Variants in BBOF1 observed in about 807,000 individuals in gnomAD.
BBOF1 encodes basal body orientation factor 1.
BBOF1 carries 62 observed loss-of-function variants against 68.0 expected under a neutral mutation model. The ratio of observed to expected loss-of-function variants is 0.91; its 90% confidence interval spans 0.74 to 1.13. The LOEUF (loss-of-function observed/expected upper bound fraction) is 1.13. Ranked by LOEUF, BBOF1 falls within the 50% of genes most tolerant of loss-of-function variation. The pLI, the probability that BBOF1 is intolerant of heterozygous loss-of-function variation, is 0.00. For synonymous variants in BBOF1, 208 were observed against 198.8 expected (o/e 1.05, Z -0.39); for missense variants, 534 against 600.1 (o/e 0.89, Z 1.15).
At chr14:74,056,122 C>T (rs1354383204) in intron 9 of BBOF1, among the ~76,000 whole-genome samples, 2 of 151,634 alleles carry the variant, frequency 1.3e-5, no homozygotes, top group African/African-American at 4.8e-5. Context: ...ACCTCCACTT[C>T]CCAGGTGCAA....
Position 74,046,148 on chromosome 14 carries a change from A to G in BBOF1, c.647+18A>G, listed in dbSNP as rs1256692925. 1 of 1,582,154 alleles carries G rather than the reference A, an allele frequency of 6.3e-7. No individual in the cohort carries two copies. Among genetic ancestry groups the G allele is most frequent in the East Asian group, 2.3e-5 (1 of 44,334 alleles). On this transcript the variant is annotated intron_variant, in intron 6 of 11. Coordinates refer to ENST00000394009, the MANE Select transcript of BBOF1 (RefSeq NM_025057.3). ...GCTATTGTGTAAGAGACTGCTGCCT[A>G]CTTTCTGACTCTGATTACCTCTCTT...
At chr14:74,029,528 A>T (rs2140978066) in intron 3 of BBOF1, among the ~76,000 whole-genome samples, 1 of 152,208 alleles carries the variant, frequency 6.6e-6, no homozygotes, top group East Asian at 1.9e-4. Flanking sequence ...CTAAAAATTT[A>T]AAAATTAGCC....
chr14:74,060,671 C>T, intron 11 of BBOF1: 1 of 1,613,444 alleles, frequency 6.2e-7, no homozygotes, highest in East Asian at 2.2e-5. Context: ...ATGACAACAG[C>T]AGGTGAGGAA....
At chr14:74,069,976 T>C (rs1252942246), downstream of BBOF1, among the ~76,000 whole-genome samples, 1 of 150,694 alleles carries the variant, frequency 6.6e-6, no homozygotes, top group African/African-American at 2.4e-5. Flanking sequence ...CTCATGGGAC[T>C]ACCTGCACAT....
chr14:74,024,893 G>T lies in BBOF1; in HGVS notation c.285+1749G>T, dbSNP rs991967983. ...GCTGACATTACAGGCATGAGCAATA[G>T]CACCTGGTCCAGAAATTTCTATCTT... On this transcript the variant is annotated intron_variant, in intron 2 of 11. Transcript: ENST00000394009. 8.6e-5 allele frequency among the ~76,000 whole-genome samples: 13 copies of T among 152,000 alleles called. No homozygotes were observed. The East Asian group carries it at 2.5e-3, about 29-fold the overall frequency.
chr14:74,060,822 G>A (rs2060323289), intron 11 of BBOF1: 2 of 1,102,684 alleles, frequency 1.8e-6, no homozygotes, highest in Admixed American at 3.5e-5. Flanking sequence ...TTTTGAAGGA[G>A]GTATTATAAA....
At chr14:74,039,601 T>G (rs2059787299) in intron 4 of BBOF1, among the ~76,000 whole-genome samples, 1 of 151,478 alleles carries the variant, frequency 6.6e-6, no homozygotes, top group African/African-American at 2.4e-5. Context: ...GCTAATTTTT[T>G]TTTTTTTTGT....
downstream of BBOF1, chr14:74,068,784 T>C: frequency 6.5e-7 from 1 of 1,542,540 alleles, no homozygotes; most frequent in Non-Finnish European, 8.9e-7. Flanking sequence ...ATGAGTGGCC[T>C]CTCTGCTGAA....
In BBOF1 at chr14:74,065,314, A is replaced by C; in HGVS notation, c.*615A>C. On this transcript the variant is annotated 3_prime_UTR_variant, in exon 12 of 12. Transcript: ENST00000394009. The stretch of plus-strand genomic sequence containing the variant: ...ATCCAATGTTTCTGTCTCCAGAACC[A>C]CAAGAACTGGACCAAAAATCTCCTC... 6.2e-7 allele frequency: 1 copy of C among 1,614,176 alleles called. No homozygotes were observed. The highest frequency in any genetic ancestry group is 8.5e-7 in the Non-Finnish European group (1 of 1,180,022).
intron 3 of BBOF1, 35 bp downstream of exon 3, chr14:74,029,284 T>C (rs771313079): frequency 7.3e-7 from 1 of 1,372,564 alleles, no homozygotes; most frequent in East Asian, 2.5e-5. Context: ...CTCCACTTAC[T>C]GGATGGTCAG....
chr14:74,030,534 C>T (rs1222811172), intron 3 of BBOF1, among the ~76,000 whole-genome samples: 2 of 151,512 alleles, frequency 1.3e-5, no homozygotes, highest in Admixed American at 1.3e-4. Flanking sequence ...CTCGCTCTGT[C>T]GCCCAGGCTG....
intron 2 of BBOF1, among the ~76,000 whole-genome samples, chr14:74,028,836 G>A (rs1420216121): frequency 6.6e-6 from 1 of 151,902 alleles, no homozygotes; most frequent in East Asian, 1.9e-4. Flanking sequence ...AGCCTCCTGA[G>A]TAGCTGGGAT....
chr14:74,062,280 A>G (rs2060363521), intron 11 of BBOF1, among the ~76,000 whole-genome samples: 1 of 152,054 alleles, frequency 6.6e-6, no homozygotes, highest in Admixed American at 6.6e-5. Flanking sequence ...AAGAAATGTT[A>G]CTAGTATCAA....
intron 9 of BBOF1, chr14:74,072,134 G>C: frequency 6.2e-7 from 1 of 1,610,246 alleles, no homozygotes; most frequent in Non-Finnish European, 8.5e-7. Flanking sequence ...TGGCTGAAAA[G>C]GTCTCTGTGA....
Position 74,050,000 on chromosome 14 carries a change from T to C in BBOF1, c.1091T>C (p.Leu364Ser). The part of the protein sequence containing the change: ...DERTEVERFF[L>S]DALHQVKQQI... ...AGAACAGAAGTGGAAAGATTCTTTT[T>C]AGATGCTCTGCACCAAGTGAAGCAA... The change falls in exon 8 of 12, where the codon TTA (leucine) becomes TCA (serine). Residue 364 changes from leucine to serine, a missense_variant. Coordinates refer to ENST00000394009, the MANE Select transcript of BBOF1 (RefSeq NM_025057.3). 1 of 1,614,130 alleles carries C rather than the reference T, an allele frequency of 6.2e-7. No homozygotes were observed.
At position 74,034,333 on chromosome 14, in the gene BBOF1, G is replaced by T. The variant is rs759201758; in HGVS notation, c.495+162G>T. 5.3e-5 allele frequency among the ~76,000 whole-genome samples: 8 copies of T among 152,258 alleles called. No homozygotes were observed. The South Asian group carries it at 8.3e-4, about 16-fold the overall frequency. ...GGAGAAGACAGACTGGATGCCAAAGGTCTTGACTTTAGACTTCTCTTTTTC... is the reference window on the plus strand; with the variant it reads ...GGAGAAGACAGACTGGATGCCAAAGTTCTTGACTTTAGACTTCTCTTTTTC... On this transcript the variant is annotated intron_variant, in intron 4 of 11. Transcript: ENST00000394009.
intron 4 of BBOF1, among the ~76,000 whole-genome samples, chr14:74,034,747 C>G (rs7147523): frequency 0.3 from 45,331 of 152,012 alleles, 7,220 homozygotes; most frequent in East Asian, 0.65. Flanking sequence ...AGGCAAGTTA[C>G]TTAACTCTTC....
chr14:74,077,189 C>T (rs918020624), intron 9 of BBOF1, among the ~76,000 whole-genome samples: 8 of 152,134 alleles, frequency 5.3e-5, no homozygotes, highest in Admixed American at 2.0e-4. Flanking sequence ...ATATAGTACT[C>T]GGTAGGTAGT....
At chr14:74,046,285 A>G (rs1304430411) in intron 6 of BBOF1, among the ~76,000 whole-genome samples, 155 bp downstream of exon 6, 1 of 151,996 alleles carries the variant, frequency 6.6e-6, no homozygotes. Flanking sequence ...TTCTCTTTGT[A>G]TACTCCCACC....
Sources: allele counts gnomAD v4.1 joint callset (sites outside exome capture counted in the v4.1 genomes callset), GRCh38; gene constraint gnomAD v4.1.1; transcripts MANE v1.5; gene names NCBI Gene and HGNC (gene_info 2026-07-23, HGNC 2026-07-21).